The following MYO16 variants were observed in gnomAD, a reference collection of about 807,000 sequenced individuals.
MYO16 encodes myosin XVI, also known as unconventional myosin-XVI.
A neutral mutation model predicts 205.3 loss-of-function variants in MYO16; 94 were observed. The observed-to-expected ratio is 0.46, with a 90% confidence interval of 0.39 to 0.54. MYO16 has a LOEUF of 0.54. Ranked by LOEUF, MYO16 falls within the 20% of genes least tolerant of loss-of-function variation. MYO16 has a pLI of 0.00. For missense variants in MYO16, 2,315 were observed against 2,387.5 expected, an observed-to-expected ratio of 0.97 and a Z score of 0.63; for synonymous variants, 988 against 954.0, an observed-to-expected ratio of 1.04 and a Z score of -0.66.
In MYO16 at chr13:109,127,113, C is replaced by T. The variant is rs1393165146; in HGVS notation, c.3783-169C>T. ...CCGGAGCCAGAGGACGGGTGGCCTT[C>T]TCTGGACCAACTGGTCACCAGAGGG... is the stretch of plus-strand genomic sequence containing the variant. On this transcript the variant is annotated intron_variant, in intron 30 of 34. Coordinates refer to ENST00000457511, the MANE Select transcript of MYO16 (RefSeq NM_001198950.3). The surrounding 1 kb of genome is among the most constrained non-coding windows in gnomAD (Gnocchi z 4.2). Among the ~76,000 whole-genome samples the T allele has an allele frequency of 6.6e-6, 1 of 152,186 alleles. No homozygotes were observed. Among genetic ancestry groups the T allele is most frequent in the Non-Finnish European group, 1.5e-5 (1 of 68,042 alleles).
intron 1 of MYO16, among the ~76,000 whole-genome samples, chr13:108,623,447 G>A (rs1018968706): frequency 2.0e-5 from 3 of 152,160 alleles, no homozygotes; most frequent in African/African-American, 7.2e-5. Flanking sequence ...GAAGAAGAAA[G>A]TCAAACTTGC....
intron 27 of MYO16, among the ~76,000 whole-genome samples, chr13:109,064,515 C>A (rs1887684987): frequency 6.6e-6 from 1 of 152,194 alleles, no homozygotes; most frequent in Non-Finnish European, 1.5e-5. Context: ...CAGTGGCTTG[C>A]AACAGCAAAT....
intron 33 of MYO16, among the ~76,000 whole-genome samples, chr13:109,175,793 G>T (rs2139905098): frequency 6.6e-6 from 1 of 152,242 alleles, no homozygotes; most frequent in East Asian, 1.9e-4. Flanking sequence ...CAGATAAAGA[G>T]CTCCATCTTC....
intron 4 of MYO16, among the ~76,000 whole-genome samples, chr13:108,740,158 G>A (rs1884853108): frequency 1.5e-5 from 1 of 68,610 alleles, no homozygotes; most frequent in South Asian, 4.3e-4. Context: ...TCTCTGTCCA[G>A]CTTTGTTCCA....
intron 1 of MYO16, among the ~76,000 whole-genome samples, chr13:108,656,852 C>G (rs1471693931): frequency 1.3e-5 from 2 of 152,098 alleles, no homozygotes; most frequent in Non-Finnish European, 2.9e-5. Flanking sequence ...GAATAATAAC[C>G]AATAAATCCA....
At chr13:108,800,515 C>A (rs151334613) in intron 6 of MYO16, among the ~76,000 whole-genome samples, 124 of 152,250 alleles carry the variant, frequency 8.1e-4, no homozygotes, top group African/African-American at 3.0e-3. Context: ...TTTAGGGCAA[C>A]TATTTTCCAA....
chr13:108,850,493 A>C (rs1294623975), intron 10 of MYO16, among the ~76,000 whole-genome samples: 1 of 152,240 alleles, frequency 6.6e-6, no homozygotes, highest in Non-Finnish European at 1.5e-5. Context: ...AAATATATAG[A>C]ATAAAAACCA....
chr13:108,615,383 AAATTTGGCAGTTCTGCGAAATTTTT>A (rs1879313462), intron 1 of MYO16, among the ~76,000 whole-genome samples: 1 of 152,126 alleles, frequency 6.6e-6, no homozygotes, highest in Admixed American at 6.6e-5. Context: ...CTCTTTGGAA[AAATTTGGCAGTTCTGCGAAATTTTT>A]AATGTAGTGT....
At chr13:108,567,970 T>C in the MYO16 span, among the ~76,000 whole-genome samples, 5 of 152,336 alleles carry the variant, frequency 3.3e-5, no homozygotes, top group African/African-American at 1.2e-4. Flanking sequence ...GTGTGTCCTT[T>C]TGTGTCTGGC....
intron 16 of MYO16, among the ~76,000 whole-genome samples, chr13:108,945,775 G>A (rs1053332075): frequency 6.6e-6 from 1 of 151,910 alleles, no homozygotes; most frequent in Non-Finnish European, 1.5e-5. Context: ...ATTTGAATAC[G>A]TTTTTGTGGT....
In MYO16 at chr13:109,055,662, C is replaced by T; in HGVS notation, c.3335+67C>T. The T allele has an allele frequency of 1.5e-6, 2 of 1,372,502 alleles. No individual in the cohort carries two copies. Among genetic ancestry groups the T allele is most frequent in the Non-Finnish European group, 1.0e-6 (1 of 976,444 alleles). 85.0% of individuals were successfully genotyped at this position (1,372,502 alleles called of 1,614,324 possible). A position where few individuals can be genotyped will look rare whatever the true frequency, so the allele number is the denominator to read the frequency against. On this transcript the variant is annotated intron_variant, in intron 27 of 34. Transcript: ENST00000457511. This position sits in a 1 kb window ranked among gnomAD's most constrained non-coding sequence, Gnocchi z 5.0. ...TCAGTGCAGTGTACTGACACTGACA[C>T]TATTGTAGCAAGGGTCTTCTGTTGT...
intron 33 of MYO16, among the ~76,000 whole-genome samples, chr13:109,166,348 T>C (rs1356460575): frequency 3.9e-5 from 6 of 152,222 alleles, no homozygotes; most frequent in African/African-American, 1.2e-4. Context: ...TAATTAGATA[T>C]AGTTGTTTAA....
At chr13:108,734,871 G>T (rs1445036924) in intron 4 of MYO16, among the ~76,000 whole-genome samples, 1 of 152,178 alleles carries the variant, frequency 6.6e-6, no homozygotes, top group Admixed American at 6.5e-5. Flanking sequence ...CCACTAGGTC[G>T]CATGTGGAAT....
At chr13:108,603,492 A>G (rs569370904) in intron 1 of MYO16, among the ~76,000 whole-genome samples, 1 of 152,264 alleles carries the variant, frequency 6.6e-6, no homozygotes, top group East Asian at 1.9e-4. Context: ...TTGAAATAAT[A>G]TTTATATTAT....
intron 2 of MYO16, among the ~76,000 whole-genome samples, chr13:108,690,326 T>C (rs1409642863): frequency 2.1e-5 from 1 of 47,162 alleles, no homozygotes; most frequent in Non-Finnish European, 3.8e-5. Flanking sequence ...TGCACGTTAT[T>C]TCCATTTTTT....
chr13:109,105,221 A>G (rs1339900378), intron 28 of MYO16, among the ~76,000 whole-genome samples: 1 of 152,262 alleles, frequency 6.6e-6, no homozygotes, highest in Non-Finnish European at 1.5e-5. Flanking sequence ...CTATAATACC[A>G]GCACTTTGAG....
chr13:108,961,049 A>T (rs1319307260), intron 17 of MYO16, among the ~76,000 whole-genome samples: 2 of 152,196 alleles, frequency 1.3e-5, no homozygotes, highest in Non-Finnish European at 2.9e-5. Context: ...TTCTGTAATC[A>T]TCGTGTTAAT....
In MYO16 at chr13:109,055,039, A is replaced by G. The variant is rs765460450; in HGVS notation, c.3049-7A>G. On this transcript the variant is annotated splice_polypyrimidine_tract_variant and splice_region_variant and intron_variant, in intron 25 of 34. Transcript: ENST00000457511. This position sits in a 1 kb window ranked among gnomAD's most constrained non-coding sequence, Gnocchi z 5.0. ...TCCTGTCCTTCTTGTCTTTCTTTTT[A>G]TTACAGTTATTAAAAAAGAAAGGAA... 3 of 1,453,572 alleles carry G rather than the reference A, an allele frequency of 2.1e-6. No individual in the cohort carries two copies. The highest frequency in any genetic ancestry group is 2.8e-6 in the Non-Finnish European group (3 of 1,083,198). 90.0% of individuals were successfully genotyped at this position (1,453,572 alleles called of 1,614,324 possible).
At chr13:108,863,937 C>T (rs1039261576) in intron 11 of MYO16, among the ~76,000 whole-genome samples, 31 of 152,062 alleles carry the variant, frequency 2.0e-4, no homozygotes, top group Non-Finnish European at 4.3e-4. Context: ...GTCTACTTGA[C>T]CTTAATTTCT....
Sources: gnomAD v4.1 joint callset for allele counts (sites outside exome capture counted in the v4.1 genomes callset) on GRCh38, gnomAD v4.1.1 for gene constraint, Gnocchi (gnomAD v3.1) non-coding constraint, MANE v1.5 for transcripts, NCBI Gene and HGNC (gene_info 2026-07-23, HGNC 2026-07-21) for gene names.